Variants in AGAP1 observed in about 807,000 individuals in gnomAD.
The protein encoded by AGAP1 is arf-GAP with GTPase, ANK repeat and PH domain-containing protein 1.
In AGAP1, 29 loss-of-function variants were observed where a neutral mutation model predicts 105.3. The ratio of observed to expected loss-of-function variants is 0.28; its 90% CI spans 0.21 to 0.38. The LOEUF (loss-of-function observed/expected upper bound fraction) is 0.38, where lower values mean the gene tolerates loss of function less well. Ranked by LOEUF, AGAP1 falls within the 10% of genes least tolerant of loss-of-function variation. AGAP1 has a pLI of 1.00. For missense variants in AGAP1, 998 were observed against 1,165.1 expected (o/e 0.86, Z 2.09); for synonymous variants, 509 against 485.9 (o/e 1.05, Z -0.63).
At chr2:235,978,506 G>C (rs2054952346) in intron 13 of AGAP1, among the ~76,000 whole-genome samples, 1 of 152,228 alleles carries the variant, frequency 6.6e-6, no homozygotes, top group African/African-American at 2.4e-5. Flanking sequence ...ACAACCCTGT[G>C]TGGTGTTGGC....
intron 1 of AGAP1, among the ~76,000 whole-genome samples, chr2:235,590,964 G>A (rs778668914): frequency 4.5e-4 from 68 of 151,304 alleles, no homozygotes; most frequent in Non-Finnish European, 9.1e-4. Context: ...CTCGTGATCC[G>A]CCTGTCTCGG....
In AGAP1 at chr2:235,633,295, C is replaced by T. The variant is rs1036662889; in HGVS notation, c.164-75884C>T. Among the ~76,000 whole-genome samples the T allele has an allele frequency of 2.0e-5, 3 of 152,006 alleles. No individual in the cohort carries two copies. The highest frequency in any genetic ancestry group is 2.4e-5 in the African/African-American group (1 of 41,398). ...GCAGCCAAGTAGAAGTGGAATTGGA[C>T]AAATAGGGCATGAGCGGGCCGGGCG... is the stretch of plus-strand genomic sequence containing the variant. On this transcript the variant is annotated intron_variant, in intron 1 of 17. Coordinates refer to ENST00000304032, the MANE Select transcript of AGAP1 (RefSeq NM_001037131.3). The surrounding 1 kb of genome is among the most constrained non-coding windows in gnomAD (Gnocchi z 4.8).
intron 13 of AGAP1, among the ~76,000 whole-genome samples, chr2:236,016,044 A>G (rs1450181635): frequency 1.2e-5 from 1 of 83,350 alleles, no homozygotes; most frequent in Non-Finnish European, 2.2e-5. Flanking sequence ...AGGAAAAAAA[A>G]GAAAAAGAAA....
chr2:235,751,857 A>T lies in AGAP1; in HGVS notation c.673+1369A>T, dbSNP rs534650038. ...GCAGGGTCCCCTGAGGATCAGCACA[A>T]AGTCGCTGGGGTCCCACAGCCCCTT... On this transcript the variant is annotated intron_variant, in intron 6 of 17. Coordinates refer to ENST00000304032, the MANE Select transcript of AGAP1 (RefSeq NM_001037131.3). This position sits in a 1 kb window ranked among gnomAD's most constrained non-coding sequence, Gnocchi z 5.3. 3.3e-5 allele frequency among the ~76,000 whole-genome samples: 5 copies of T among 152,218 alleles called. No individual in the cohort carries two copies. In the East Asian group the frequency reaches 9.7e-4, roughly 29 times the overall value.
At chr2:235,644,184 A>C (rs1947296218) in intron 1 of AGAP1, among the ~76,000 whole-genome samples, 1 of 152,248 alleles carries the variant, frequency 6.6e-6, no homozygotes, top group Non-Finnish European at 1.5e-5. Context: ...GTTGGGAAGT[A>C]CTGGATGGAA....
At chr2:235,776,892 C>T (rs1297773897) in intron 6 of AGAP1, 5 of 470,326 alleles carry the variant, frequency 1.1e-5, no homozygotes, top group South Asian at 4.6e-5. Context: ...TTGGCTGCAA[C>T]CTCTCTGGCT....
intron 9 of AGAP1, among the ~76,000 whole-genome samples, chr2:235,859,135 A>G (rs2048808635): frequency 6.6e-6 from 1 of 152,098 alleles, no homozygotes; most frequent in South Asian, 2.1e-4. Context: ...TTTTGTTGCT[A>G]CTGGCAACTT....
chr2:235,667,959 CAAAAAAAAAAAA>C (rs142657060), intron 1 of AGAP1, among the ~76,000 whole-genome samples: 1 of 61,928 alleles, frequency 1.6e-5, no homozygotes, highest in Non-Finnish European at 2.9e-5. Context: ...GCCTCTGTCT[CAAAAAAAAAAAA>C]AAAAAAAAAA....
chr2:235,646,631 C>T (rs561356829), intron 1 of AGAP1, among the ~76,000 whole-genome samples: 9 of 152,314 alleles, frequency 5.9e-5, no homozygotes, highest in Admixed American at 1.3e-4. Context: ...CTTGGGCCCC[C>T]GCCCCTAACT....
intron 1 of AGAP1, among the ~76,000 whole-genome samples, chr2:235,525,467 G>T (rs1029326543): frequency 6.6e-6 from 1 of 152,072 alleles, no homozygotes; most frequent in Admixed American, 6.5e-5. Flanking sequence ...ACATAACGTG[G>T]AGGACTGATA....
chr2:236,047,197 T>C (rs941979827), intron 15 of AGAP1, among the ~76,000 whole-genome samples: 7 of 152,280 alleles, frequency 4.6e-5, no homozygotes, highest in Non-Finnish European at 8.8e-5. Context: ...CACAGGGGTC[T>C]TTTGGGTTTC....
chr2:235,894,016 C>T (rs1258598608), intron 10 of AGAP1, among the ~76,000 whole-genome samples: 1 of 152,040 alleles, frequency 6.6e-6, no homozygotes, highest in East Asian at 1.9e-4. Context: ...GGCATTATTA[C>T]AAATGCTGCA....
rs2056360216 is a variant in AGAP1 at position 236,007,447 on chromosome 2, AT to A, written c.1646-29112del. Among the ~76,000 whole-genome samples, 3 of 152,218 alleles carry A rather than the reference AT, an allele frequency of 2.0e-5. No homozygotes were observed. The South Asian group carries it at 6.2e-4, about 32-fold the overall frequency. On this transcript the variant is annotated intron_variant, in intron 13 of 17. Transcript: ENST00000304032. ...ACTTCAAGAAGGGTGGTTGTTTGCCATTGTGGAGGCTGGTGGTCCAGCGATC... is the reference window on the plus strand; with the variant it reads ...ACTTCAAGAAGGGTGGTTGTTTGCCATGTGGAGGCTGGTGGTCCAGCGATC...
At chr2:235,835,234 C>T (rs1559543626) in intron 9 of AGAP1, among the ~76,000 whole-genome samples, 1 of 152,210 alleles carries the variant, frequency 6.6e-6, no homozygotes, top group South Asian at 2.1e-4. Context: ...TCTTCAGTGG[C>T]TCCCCATGGC....
chr2:235,713,480 C>T (rs1255761279), intron 2 of AGAP1, among the ~76,000 whole-genome samples: 3 of 152,244 alleles, frequency 2.0e-5, no homozygotes, highest in African/African-American at 7.2e-5. Flanking sequence ...TTACTCGGCC[C>T]GTGCTCTTGA....
intron 9 of AGAP1, among the ~76,000 whole-genome samples, chr2:235,818,173 C>T (rs997973887): frequency 3.3e-5 from 5 of 152,280 alleles, no homozygotes; most frequent in African/African-American, 7.2e-5. Flanking sequence ...AGTTACATGC[C>T]GAGTACATAT....
At chr2:235,784,804 C>T (rs940780130) in intron 6 of AGAP1, among the ~76,000 whole-genome samples, 1 of 152,030 alleles carries the variant, frequency 6.6e-6, no homozygotes, top group Non-Finnish European at 1.5e-5. Context: ...TCACAAAGGG[C>T]AAAACTTCCC....
At chr2:235,948,160 T>C (rs2053578065) in intron 12 of AGAP1, among the ~76,000 whole-genome samples, 1 of 151,524 alleles carries the variant, frequency 6.6e-6, no homozygotes. Context: ...GTGTGCCAGG[T>C]TTTCTGGGGT....
chr2:236,019,816 A>G (rs1188230753), intron 13 of AGAP1, among the ~76,000 whole-genome samples: 1 of 152,210 alleles, frequency 6.6e-6, no homozygotes, highest in Non-Finnish European at 1.5e-5. Flanking sequence ...TCTGTGACCC[A>G]TTGTGTTGTG....
Sources: gnomAD v4.1 joint callset for allele counts (sites outside exome capture counted in the v4.1 genomes callset) on GRCh38, gnomAD v4.1.1 for gene constraint, Gnocchi (gnomAD v3.1) non-coding constraint, MANE v1.5 for transcripts, NCBI Gene and HGNC (gene_info 2026-07-23, HGNC 2026-07-21) for gene names.